Variants in RARG observed in about 807,000 individuals in gnomAD.
RARG encodes the protein retinoic acid receptor gamma.
In RARG, 17 loss-of-function variants were observed where a neutral mutation model predicts 43.7. The ratio of observed to expected loss-of-function variants is 0.39; its 90% CI spans 0.27 to 0.58. RARG has a LOEUF of 0.58. Among genes scored for constraint, RARG ranks in the 20% least tolerant of loss-of-function variants. The pLI, the probability that RARG is intolerant of heterozygous loss-of-function variation, is 0.57. For synonymous variants in RARG, 238 were observed against 236.4 expected (o/e 1.01, Z -0.06); for missense variants, 346 against 598.7 (o/e 0.58, Z 4.40).
chr12:53,212,388 T>C (rs192587001), intron 9 of RARG, among the ~76,000 whole-genome samples: 1 of 152,328 alleles, frequency 6.6e-6, no homozygotes, highest in African/African-American at 2.4e-5. Flanking sequence ...TCAGCACAAT[T>C]CTAAGTACAC....
chr12:53,213,773 G>A lies in RARG; in HGVS notation c.814-73C>T. The A allele has an allele frequency of 6.9e-7, 1 of 1,452,958 alleles. No individual in the cohort carries two copies. Among genetic ancestry groups the A allele is most frequent in the Admixed American group, 1.8e-5 (1 of 56,124 alleles). The allele number at this position is 1,452,958 out of a possible 1,614,324, so 90.0% of individuals were successfully genotyped here. On this transcript the variant is annotated intron_variant, in intron 7 of 9. Transcript: ENST00000425354. The surrounding 1 kb of genome is among the most constrained non-coding windows in gnomAD (Gnocchi z 4.7). ...GGAAAAGAGGGAATGAGTGGAAAGT[G>A]AGGAGGTTAGGTCCCCAGTGAGTGC... is the stretch of plus-strand genomic sequence containing the variant.
chr12:53,227,808 G>C lies in RARG; in HGVS notation c.-142-121C>G. On this transcript the variant is annotated intron_variant, in intron 2 of 9. Transcript: ENST00000425354. The surrounding 1 kb of genome is among the most constrained non-coding windows in gnomAD (Gnocchi z 4.3). ...TGCTGCTACAGTTTATCCTGCCCTG[G>C]CTCAGGGCCCTTGCAGTGTGGTAGA... 5.5e-6 allele frequency: 4 copies of C among 725,476 alleles called. No homozygotes were observed. Among genetic ancestry groups the C allele is most frequent in the Non-Finnish European group, 7.5e-6 (4 of 532,918 alleles). 44.9% of individuals were successfully genotyped at this position (725,476 alleles called of 1,614,324 possible). A position where few individuals can be genotyped will look rare whatever the true frequency, so the allele number is the denominator to read the frequency against.
intron 2 of RARG, among the ~76,000 whole-genome samples, chr12:53,230,961 C>T (rs1438840026): frequency 1.3e-5 from 2 of 152,018 alleles, no homozygotes; most frequent in Admixed American, 1.3e-4. Context: ...TCTCTACTTG[C>T]CTCAAGGATA....
intron 1 of RARG, chr12:53,231,483 C>T (rs1943235334): frequency 6.6e-6 from 1 of 152,302 alleles, no homozygotes; most frequent in Non-Finnish European, 1.5e-5. Flanking sequence ...CTCCTGGACG[C>T]GGAGGGCCAG....
rs1022005313 is a variant in RARG, at chr12:53,212,745, C to T, written c.1177+340G>A. On this transcript the variant is annotated intron_variant, in intron 9 of 9. Transcript: ENST00000425354. Reference sequence around the variant, plus strand: ...GTCTCTAAATATATATATACACACACACACACACACACACACACACACACA... The same window carrying T: ...GTCTCTAAATATATATATACACACATACACACACACACACACACACACACA... Among the ~76,000 whole-genome samples the T allele has an allele frequency of 2.1e-3, 305 of 147,422 alleles. 1 individual carries two copies. The highest frequency in any genetic ancestry group is 0.015 in the East Asian group (74 of 5,080).
chr12:53,227,250 C>G lies in RARG; in HGVS notation c.184+112G>C. 1 of 1,211,662 alleles carries G rather than the reference C, an allele frequency of 8.3e-7. No individual in the cohort carries two copies. Among genetic ancestry groups the G allele is most frequent in the Non-Finnish European group, 1.1e-6 (1 of 880,052 alleles). 75.1% of individuals were successfully genotyped at this position (1,211,662 alleles called of 1,614,324 possible). ...TTCACTACTACTCCATTAGGCCAAA[C>G]CCCTGTCCCCTGCCTGCCTTCCTAA... On this transcript the variant is annotated intron_variant, in intron 3 of 9. Coordinates refer to ENST00000425354, the MANE Select transcript of RARG (RefSeq NM_000966.6). This position sits in a 1 kb window ranked among gnomAD's most constrained non-coding sequence, Gnocchi z 4.3.
At chr12:53,221,205 G>T (rs948131214) in intron 3 of RARG, among the ~76,000 whole-genome samples, 1 of 112,604 alleles carries the variant, frequency 8.9e-6, no homozygotes, top group East Asian at 2.9e-4. Flanking sequence ...CTCCTAGCCC[G>T]AGCAGTCCGC....
In RARG at chr12:53,213,972, G is replaced by T; in HGVS notation, c.813+87C>A. The T allele has an allele frequency of 6.9e-7, 1 of 1,442,136 alleles. No individual in the cohort carries two copies. Among genetic ancestry groups the T allele is most frequent in the Non-Finnish European group, 9.5e-7 (1 of 1,053,024 alleles). 89.3% of individuals were successfully genotyped at this position (1,442,136 alleles called of 1,614,324 possible). On this transcript the variant is annotated intron_variant, in intron 7 of 9. Coordinates refer to ENST00000425354, the MANE Select transcript of RARG (RefSeq NM_000966.6). This position sits in a 1 kb window ranked among gnomAD's most constrained non-coding sequence, Gnocchi z 4.7. ...CCACATGTGTGGCAGGGGGTGCAGGGTAAGGAAATCTTTGCATGGATCAAG... is the reference window on the plus strand; with the variant it reads ...CCACATGTGTGGCAGGGGGTGCAGGTTAAGGAAATCTTTGCATGGATCAAG...
chr12:53,216,258 C>G (rs1942757980), intron 3 of RARG, among the ~76,000 whole-genome samples: 1 of 152,282 alleles, frequency 6.6e-6, no homozygotes, highest in Middle Eastern at 3.4e-3. Flanking sequence ...GGCAATAACT[C>G]TGGGGGCAGG....
rs1942655434 is a variant in RARG at position 53,213,177 on chromosome 12, C to T, written c.1085G>A (p.Arg362Lys). The T allele has an allele frequency of 6.2e-7, 1 of 1,611,002 alleles. No individual in the cohort carries two copies. Among genetic ancestry groups the T allele is most frequent in the Admixed American group, 1.7e-5 (1 of 60,012 alleles). ...KLQEPLLEAL[R>K]LYARRRRPSQ... ...GGGCCGCCGGCGCCGGGCGTACAGC[C>T]TCAGGGCTTCCAGCAGTGGCTCCTG... The change falls in exon 9 of 10, where the codon AGG (arginine) becomes AAG (lysine). Residue 362 changes from arginine to lysine, a missense_variant. By Grantham distance (26) the Arg-to-Lys change is conservative. Coordinates refer to ENST00000425354, the MANE Select transcript of RARG (RefSeq NM_000966.6). The surrounding 1 kb of genome is among the most constrained non-coding windows in gnomAD (Gnocchi z 4.7).
At chr12:53,218,216 G>T (rs1476037694) in intron 3 of RARG, among the ~76,000 whole-genome samples, 1 of 151,982 alleles carries the variant, frequency 6.6e-6, no homozygotes, top group Non-Finnish European at 1.5e-5. Context: ...CACACATCCA[G>T]CCCACCTCCA....
Position 53,215,655 on chromosome 12 carries a change from T to C in RARG, c.324A>G (p.Glu108=). ...CCCACCACGTACACACCTTGCAGCCTTCACAAGAGCTGACCCCATAGTGGT... is the reference window on the plus strand; with the variant it reads ...CCCACCACGTACACACCTTGCAGCCCTCACAAGAGCTGACCCCATAGTGGT... ...SGYHYGVSSC[E]GCKGFFRRSI... The change falls in exon 4 of 10, where the codon GAA becomes GAG. Residue 108 remains glutamate (E), a synonymous_variant. Transcript: ENST00000425354. The surrounding 1 kb of genome is among the most constrained non-coding windows in gnomAD (Gnocchi z 6.4). 1 of 1,612,984 alleles carries C rather than the reference T, an allele frequency of 6.2e-7. No homozygotes were observed. The highest frequency in any genetic ancestry group is 8.5e-7 in the Non-Finnish European group (1 of 1,179,504).
At chr12:53,223,498 G>A (rs766463093) in intron 3 of RARG, among the ~76,000 whole-genome samples, 1 of 151,202 alleles carries the variant, frequency 6.6e-6, no homozygotes, top group African/African-American at 2.4e-5. Flanking sequence ...GGGCCCTGGC[G>A]GCGGCGGCTT....
chr12:53,220,231 C>T, intron 3 of RARG: 1 of 1,049,646 alleles, frequency 9.5e-7, no homozygotes, highest in African/African-American at 1.7e-5. Context: ...CGCTGGGCTG[C>T]ATGCGGGTAA....
At chr12:53,216,368 G>A (rs1463042748) in intron 3 of RARG, among the ~76,000 whole-genome samples, 1 of 152,166 alleles carries the variant, frequency 6.6e-6, no homozygotes, top group African/African-American at 2.4e-5. Context: ...GTAGTACAGG[G>A]GGGATAACTC....
In RARG at chr12:53,214,624, A is replaced by G; in HGVS notation, c.476-18T>C. 1.3e-6 allele frequency: 2 copies of G among 1,590,692 alleles called. No homozygotes were observed. Among genetic ancestry groups the G allele is most frequent in the Non-Finnish European group, 8.6e-7 (1 of 1,161,886 alleles). On this transcript the variant is annotated intron_variant, in intron 5 of 9. Transcript: ENST00000425354. ...TCGCACAGCTTGTGGGTGGAGGCGC[A>G]AGGAGAGGGTCAGGACCCTCAGAGC...
chr12:53,227,500 GC>G lies in RARG; in HGVS notation c.45del (p.Pro16LeufsTer27). On this transcript the variant is annotated frameshift_variant, in exon 3 of 10. Transcript: ENST00000425354. LOFTEE classifies it high-confidence loss of function. The surrounding 1 kb of genome is among the most constrained non-coding windows in gnomAD (Gnocchi z 4.3). ...CCTGCCCCTGGGTAGCCAGATCCAG[GC>G]CCCAGGGCACCAGCCGCAAAGAGTC... is the stretch of plus-strand genomic sequence containing the variant. ...KERLFAAGAL[G>X]PGSGYPGAGF... is the part of the protein sequence containing the mutation. 1 of 1,603,600 alleles carries G rather than the reference GC, an allele frequency of 6.2e-7. No homozygotes were observed. The highest frequency in any genetic ancestry group is 8.5e-7 in the Non-Finnish European group (1 of 1,175,778).
chr12:53,227,359 C>T lies in RARG; in HGVS notation c.184+3G>A. On this transcript the variant is annotated splice_donor_region_variant and intron_variant, in intron 3 of 9. Coordinates refer to ENST00000425354, the MANE Select transcript of RARG (RefSeq NM_000966.6). The surrounding 1 kb of genome is among the most constrained non-coding windows in gnomAD (Gnocchi z 4.3). ...TTCATTCCCCAAGATCCCTGAGACTCACACAGAGAGGCCATCTCCTTGGGG... is the reference window on the plus strand; with the variant it reads ...TTCATTCCCCAAGATCCCTGAGACTTACACAGAGAGGCCATCTCCTTGGGG... The T allele has an allele frequency of 4.5e-6, 7 of 1,553,078 alleles. No homozygotes were observed. Among genetic ancestry groups the T allele is most frequent in the Non-Finnish European group, 6.1e-6 (7 of 1,149,792 alleles).
At chr12:53,220,054 T>C (rs1942907700) in intron 3 of RARG, 7 of 1,548,838 alleles carry the variant, frequency 4.5e-6, no homozygotes, top group African/African-American at 1.4e-5. Flanking sequence ...GGCCGCCCCG[T>C]ACAGCCGTCG....
Sources: allele counts gnomAD v4.1 joint callset (sites outside exome capture counted in the v4.1 genomes callset), GRCh38; gene constraint gnomAD v4.1.1; non-coding constraint Gnocchi (gnomAD v3.1); transcripts MANE v1.5; gene names NCBI Gene and HGNC (gene_info 2026-07-23, HGNC 2026-07-21).